PDE3A: variants seen among roughly 807,000 people sequenced by gnomAD.
PDE3A encodes the protein phosphodiesterase 3A.
Under a neutral mutation model 98.3 loss-of-function variants are expected in PDE3A, and 43 were observed. The ratio of observed to expected loss-of-function variants is 0.44; its 90% confidence interval spans 0.34 to 0.56. The LOEUF is 0.56. Among genes scored for constraint, PDE3A ranks in the 20% least tolerant of loss-of-function variants. The pLI is 0.01. For missense variants in PDE3A, 1,427 were observed against 1,440.7 expected (o/e 0.99, Z 0.15); for synonymous variants, 663 against 567.9 (o/e 1.17, Z -2.38).
chr12:20,519,389 A>G (rs920536930), intron 1 of PDE3A, among the ~76,000 whole-genome samples: 4 of 152,138 alleles, frequency 2.6e-5, no homozygotes, highest in Non-Finnish European at 5.9e-5. Context: ...AATGCTTGGT[A>G]TGGAATTGAT....
At chr12:20,392,622 C>T (rs1189658567) in intron 1 of PDE3A, among the ~76,000 whole-genome samples, 1 of 151,940 alleles carries the variant, frequency 6.6e-6, no homozygotes, top group Non-Finnish European at 1.5e-5. Flanking sequence ...ATAGAACTCC[C>T]ATGTGATCCA....
At position 20,688,150 on chromosome 12, in the gene PDE3A, T is replaced by C. The variant is rs1396839360; in HGVS notation, c.*7879T>C. 6.6e-6 allele frequency among the ~76,000 whole-genome samples: 1 copy of C among 151,958 alleles called. No individual in the cohort carries two copies. Among genetic ancestry groups the C allele is most frequent in the African/African-American group, 2.4e-5 (1 of 41,416 alleles). Reference sequence around the variant, plus strand: ...CCACTCTCGACAGACCTGAATATGTTTACTAATAACTTTGCCAAATTTTTC... The same window carrying C: ...CCACTCTCGACAGACCTGAATATGTCTACTAATAACTTTGCCAAATTTTTC... On this transcript the variant is annotated 3_prime_UTR_variant, in exon 16 of 16. Coordinates refer to ENST00000359062, the MANE Select transcript of PDE3A (RefSeq NM_000921.5).
At chr12:20,679,729 T>C (rs1373891873) in intron 15 of PDE3A, among the ~76,000 whole-genome samples, 2 of 151,970 alleles carry the variant, frequency 1.3e-5, no homozygotes, top group African/African-American at 4.8e-5. Context: ...AATACCAAGA[T>C]ATAAGCAGAA....
intron 2 of PDE3A, among the ~76,000 whole-genome samples, chr12:20,567,057 C>CTT (rs930308219): frequency 6.6e-6 from 1 of 151,866 alleles, no homozygotes. Flanking sequence ...ATTTAGTTTT[C>CTT]TTTTTCGTGG....
At chr12:20,596,733 G>A (rs1307845020) in intron 2 of PDE3A, among the ~76,000 whole-genome samples, 1 of 152,062 alleles carries the variant, frequency 6.6e-6, no homozygotes, top group Admixed American at 6.6e-5. Context: ...CTTAGTTCTG[G>A]GAAGAGTCTA....
intron 1 of PDE3A, among the ~76,000 whole-genome samples, chr12:20,499,787 G>C (rs2121077798): frequency 6.6e-6 from 1 of 152,198 alleles, no homozygotes; most frequent in Admixed American, 6.5e-5. Flanking sequence ...TATTTTCTCA[G>C]CTCATATTAC....
At chr12:20,400,379 G>GTTTTTTTTTTTTTTTTTTT (rs75851941) in intron 1 of PDE3A, among the ~76,000 whole-genome samples, 11 of 110,262 alleles carry the variant, frequency 1.0e-4, no homozygotes, top group Non-Finnish European at 1.6e-4. Flanking sequence ...GTTAACATTG[G>GTTTTTTTTTTTTTTTTTTT]TTTTTTTTTT....
In PDE3A at chr12:20,637,141, C is replaced by G; in HGVS notation, c.2043C>G (p.Asn681Lys). The G allele has an allele frequency of 6.2e-7, 1 of 1,609,974 alleles. No homozygotes were observed. ...CTCCCGAACCTCTTGTCATGGATAA[C>G]CTGGACTCAATTATGGAGCAGCTAA... ...ILAPEPLVMD[N>K]LDSIMEQLNT... Residue 681 changes from asparagine to lysine, a missense_variant, in exon 9 of 16, where the codon AAC (asparagine) becomes AAG (lysine). Coordinates refer to ENST00000359062, the MANE Select transcript of PDE3A (RefSeq NM_000921.5).
At chr12:20,600,688 C>G (rs547608560) in intron 2 of PDE3A, among the ~76,000 whole-genome samples, 1 of 152,280 alleles carries the variant, frequency 6.6e-6, no homozygotes, top group South Asian at 2.1e-4. Context: ...ACTATTACTT[C>G]TCCTTGGCAT....
intron 1 of PDE3A, among the ~76,000 whole-genome samples, chr12:20,451,791 A>C (rs1486107870): frequency 6.6e-6 from 1 of 152,202 alleles, no homozygotes; most frequent in East Asian, 1.9e-4. Context: ...CTTCTTTTGG[A>C]AAGAGTCAGA....
At chr12:20,532,965 C>T (rs1018026855) in intron 1 of PDE3A, among the ~76,000 whole-genome samples, 1 of 152,114 alleles carries the variant, frequency 6.6e-6, no homozygotes, top group African/African-American at 2.4e-5. Context: ...CGTGAGCCAC[C>T]GCGCCCGGCC....
chr12:20,470,214 T>C (rs909652886), intron 1 of PDE3A, among the ~76,000 whole-genome samples: 4 of 152,156 alleles, frequency 2.6e-5, no homozygotes, highest in African/African-American at 9.7e-5. Context: ...AACTTTGTCT[T>C]AAGAAAGAAA....
rs1037660158 is a variant in PDE3A, at chr12:20,472,404, C to G, written c.961-84256C>G. 5.9e-5 allele frequency among the ~76,000 whole-genome samples: 9 copies of G among 152,116 alleles called. No homozygotes were observed. The East Asian group carries it at 1.7e-3, about 29-fold the overall frequency. On this transcript the variant is annotated intron_variant, in intron 1 of 15. Coordinates refer to ENST00000359062, the MANE Select transcript of PDE3A (RefSeq NM_000921.5). ...TTGTACATTCCTACAACATCGGCTC[C>G]TCCTTTCCCTCCCACTGCAAACCCC...
At chr12:20,377,641 T>C (rs1429761663) in intron 1 of PDE3A, among the ~76,000 whole-genome samples, 1 of 151,880 alleles carries the variant, frequency 6.6e-6, no homozygotes, top group African/African-American at 2.4e-5. Flanking sequence ...ATTATATGTG[T>C]AATCTTGATA....
At chr12:20,632,639 C>A (rs1008153313) in intron 6 of PDE3A, among the ~76,000 whole-genome samples, 1 of 151,916 alleles carries the variant, frequency 6.6e-6, no homozygotes, top group African/African-American at 2.4e-5. Context: ...TCCTCCAACA[C>A]CCTCTGTTAG....
In PDE3A at chr12:20,589,782, C is replaced by T. The variant is rs188647174; in HGVS notation, c.1012-23661C>T. ...TACTCGGGAGGCTGAGGCAGGAGAA[C>T]GGCATGAACCCAGGAGGTGGAGCTT... On this transcript the variant is annotated intron_variant, in intron 2 of 15. Coordinates refer to ENST00000359062, the MANE Select transcript of PDE3A (RefSeq NM_000921.5). 6.6e-3 allele frequency among the ~76,000 whole-genome samples: 975 copies of T among 148,036 alleles called. 7 individuals are homozygous for T. The highest frequency in any genetic ancestry group is 0.023 in the African/African-American group (939 of 40,078).
At chr12:20,579,930 C>G (rs776563169) in intron 2 of PDE3A, among the ~76,000 whole-genome samples, 1 of 152,000 alleles carries the variant, frequency 6.6e-6, no homozygotes. Flanking sequence ...AGAAAAGTAC[C>G]AACTGAAAGG....
At chr12:20,602,761 A>G (rs1466881713) in intron 2 of PDE3A, among the ~76,000 whole-genome samples, 3 of 152,216 alleles carry the variant, frequency 2.0e-5, no homozygotes, top group African/African-American at 7.2e-5. Flanking sequence ...ATACGCAAAC[A>G]TCTGCTTCCT....
intron 1 of PDE3A, among the ~76,000 whole-genome samples, chr12:20,483,985 C>T (rs532958161): frequency 6.6e-6 from 1 of 152,292 alleles, no homozygotes; most frequent in South Asian, 2.1e-4. Context: ...CTGCTGGTTC[C>T]TTTACTCCTC....
Sources: allele counts gnomAD v4.1 joint callset (sites outside exome capture counted in the v4.1 genomes callset), GRCh38; gene constraint gnomAD v4.1.1; transcripts MANE v1.5; gene names NCBI Gene and HGNC (gene_info 2026-07-23, HGNC 2026-07-21).